Variants in EML6 observed in about 807,000 individuals in gnomAD.
EML6 encodes EMAP like 6.
In EML6, 154 loss-of-function variants were observed where a neutral mutation model predicts 240.1. The ratio of observed to expected loss-of-function variants is 0.64; its 90% CI spans 0.56 to 0.73. The LOEUF is 0.73. Among genes scored for constraint, EML6 ranks in the 30% least tolerant of loss-of-function variants. The pLI is 0.00. For missense variants in EML6, 2,964 were observed against 2,474.6 expected (o/e 1.20, Z -4.20); for synonymous variants, 1,148 against 899.0 (o/e 1.28, Z -4.95).
chr2:54,968,276 A>G lies in EML6; in HGVS notation c.5746A>G (p.Lys1916Glu). 6.4e-7 allele frequency: 1 copy of G among 1,551,682 alleles called. No individual in the cohort carries two copies. The highest frequency in any genetic ancestry group is 8.7e-7 in the Non-Finnish European group (1 of 1,146,990). Residue 1916 changes from lysine to glutamate, a missense_variant, in exon 40 of 42, where the codon AAA (lysine) becomes GAA (glutamate). By Grantham distance (56) the Lys-to-Glu change is moderately conservative. Coordinates refer to ENST00000356458, the MANE Select transcript of EML6 (RefSeq NM_001039753.4). The stretch of plus-strand genomic sequence containing the variant: ...GCTCTTTGATTTTCCATGCACAGAA[A>G]AATTTGTGAGTGTTCCTCAGAGTAA... ...VKLFDFPCTE[K>E]FAKHKRYFGH...
At chr2:54,922,493 C>G (rs71413280) in intron 26 of EML6, among the ~76,000 whole-genome samples, 8 of 152,170 alleles carry the variant, frequency 5.3e-5, no homozygotes, top group African/African-American at 9.6e-5. Flanking sequence ...ATGGAGGTTC[C>G]TCAAAAAATT....
At position 54,724,427 on chromosome 2, in the gene EML6, G is replaced by T. The variant is rs1343365479; in HGVS notation, c.-513-122G>T. On this transcript the variant is annotated intron_variant, in intron 1 of 41. Transcript: ENST00000356458. This position sits in a 1 kb window ranked among gnomAD's most constrained non-coding sequence, Gnocchi z 5.2. ...GAGATGGAACTGGAGAGAGAAAGCGGGAGTAGGGGACAATTTTTAAAAATA... is the reference window on the plus strand; with the variant it reads ...GAGATGGAACTGGAGAGAGAAAGCGTGAGTAGGGGACAATTTTTAAAAATA... The T allele has an allele frequency of 2.6e-5, 4 of 152,114 alleles. No individual in the cohort carries two copies. The South Asian group carries it at 6.2e-4, about 24-fold the overall frequency. The allele number at this position is 152,114 out of a possible 1,614,324, so 9.4% of individuals were successfully genotyped here. A position where few individuals can be genotyped will look rare whatever the true frequency, so the allele number is the denominator to read the frequency against.
chr2:54,858,987 T>G (rs189161733), intron 11 of EML6, among the ~76,000 whole-genome samples: 1 of 152,196 alleles, frequency 6.6e-6, no homozygotes, highest in Non-Finnish European at 1.5e-5. Flanking sequence ...TATGCTGATA[T>G]GCTGAAGGCT....
At chr2:54,914,025 C>T (rs1468748584) in intron 25 of EML6, among the ~76,000 whole-genome samples, 1 of 152,136 alleles carries the variant, frequency 6.6e-6, no homozygotes, top group Non-Finnish European at 1.5e-5. Flanking sequence ...TCTTTTTATA[C>T]CAGTACCAGT....
chr2:54,730,628 C>T (rs1267518625), intron 2 of EML6, among the ~76,000 whole-genome samples: 1 of 152,188 alleles, frequency 6.6e-6, no homozygotes, highest in African/African-American at 2.4e-5. Context: ...TCCTACTGCT[C>T]ATTGGATCCC....
intron 25 of EML6, among the ~76,000 whole-genome samples, chr2:54,915,991 C>T (rs1229507728): frequency 1.3e-5 from 2 of 152,184 alleles, no homozygotes; most frequent in African/African-American, 4.8e-5. Context: ...TCAGTCTTAT[C>T]AGGATTTAAC....
At position 54,968,206 on chromosome 2, in the gene EML6, C is replaced by T. The variant is rs757460564; in HGVS notation, c.5676C>T (p.His1892=). Reference sequence around the variant, plus strand: ...ATGTCAACTGCGCATGTGTGACCCACGCTGGCCTGAACATTGTCACAGGAG... The same window carrying T: ...ATGTCAACTGCGCATGTGTGACCCATGCTGGCCTGAACATTGTCACAGGAG... ...KADVNCACVT[H]AGLNIVTGDD... is the part of the protein sequence containing the mutation. The change falls in exon 40 of 42, where the codon CAC becomes CAT. Residue 1892 remains histidine, a synonymous_variant. Coordinates refer to ENST00000356458, the MANE Select transcript of EML6 (RefSeq NM_001039753.4). 36 of 1,551,586 alleles carry T rather than the reference C, an allele frequency of 2.3e-5. No individual in the cohort carries two copies. The highest frequency in any genetic ancestry group is 7.1e-5 in the South Asian group (6 of 84,066).
In EML6 at chr2:54,895,157, T is replaced by C. The variant is rs1480337196; in HGVS notation, c.2855-116T>C. 3 of 1,336,702 alleles carry C rather than the reference T, an allele frequency of 2.2e-6. No homozygotes were observed. In the South Asian group the frequency reaches 4.1e-5, roughly 18 times the overall value. 82.8% of individuals were successfully genotyped at this position (1,336,702 alleles called of 1,614,324 possible). On this transcript the variant is annotated intron_variant, in intron 20 of 41. Transcript: ENST00000356458. ...CATGTTTAGAACTCTCTTCCTCTGG[T>C]AGAAATGTCAAGGCTGACTGCCTAG...
At chr2:54,871,659 A>G in intron 16 of EML6, 54 bp downstream of exon 16, 1 of 1,308,128 alleles carries the variant, frequency 7.6e-7, no homozygotes. Context: ...AGAGAGACAC[A>G]GAGAGAGTAT....
rs1258675433 is a variant in EML6, at chr2:54,970,849, A to G, written c.*754A>G. On this transcript the variant is annotated 3_prime_UTR_variant, in exon 42 of 42. Coordinates refer to ENST00000356458, the MANE Select transcript of EML6 (RefSeq NM_001039753.4). ...CACGCCAAGGCTTCCTAAATGAAAG[A>G]CATCGGTTACCTGCTTATGGGAAGG... The G allele has an allele frequency of 2.0e-5, 3 of 152,230 alleles. No individual in the cohort carries two copies. The highest frequency in any genetic ancestry group is 2.1e-4 in the South Asian group (1 of 4,834). 9.4% of individuals were successfully genotyped at this position (152,230 alleles called of 1,614,324 possible). A position where few individuals can be genotyped will look rare whatever the true frequency, so the allele number is the denominator to read the frequency against.
intron 8 of EML6, among the ~76,000 whole-genome samples, chr2:54,844,992 G>A (rs1458185390): frequency 6.6e-6 from 1 of 152,196 alleles, no homozygotes; most frequent in Non-Finnish European, 1.5e-5. Context: ...GCCAGAAAGA[G>A]GGAGAGTGTG....
intron 2 of EML6, among the ~76,000 whole-genome samples, chr2:54,738,376 G>A (rs1249491496): frequency 6.6e-6 from 1 of 152,136 alleles, no homozygotes; most frequent in African/African-American, 2.4e-5. Flanking sequence ...GAAGCCTATA[G>A]ACACCATCTC....
intron 28 of EML6, among the ~76,000 whole-genome samples, chr2:54,935,121 G>C (rs900985359): frequency 6.6e-6 from 1 of 152,096 alleles, no homozygotes; most frequent in Admixed American, 6.6e-5. Flanking sequence ...GCATTGCTTC[G>C]TGTTTAGGTT....
At chr2:54,804,844 T>G (rs1018015622) in intron 2 of EML6, among the ~76,000 whole-genome samples, 2 of 152,222 alleles carry the variant, frequency 1.3e-5, no homozygotes, top group African/African-American at 4.8e-5. Flanking sequence ...TCTTATTTTC[T>G]TTAGACATGT....
Position 54,959,162 on chromosome 2 carries a change from T to G in EML6, c.4754T>G (p.Phe1585Cys). The stretch of plus-strand genomic sequence containing the variant: ...GATGTCTACGTCTGGAAGGACCACT[T>G]CCTCATCCGGCTGGTGGCCAAGGCT... ...NGDVYVWKDHFLIRLVAKAHT... is the reference protein window; with the variant it reads ...NGDVYVWKDHCLIRLVAKAHT... The change falls in exon 34 of 42, where the codon TTC becomes TGC. Residue 1585 changes from phenylalanine to cysteine, a missense_variant. Coordinates refer to ENST00000356458, the MANE Select transcript of EML6 (RefSeq NM_001039753.4). 1 of 1,551,646 alleles carries G rather than the reference T, an allele frequency of 6.4e-7. No homozygotes were observed. Among genetic ancestry groups the G allele is most frequent in the South Asian group, 1.2e-5 (1 of 84,036 alleles).
Position 54,968,716 on chromosome 2 carries a change from C to T in EML6, c.5800C>T (p.Arg1934Cys), listed in dbSNP as rs1476665988. Residue 1934 changes from arginine (R) to cysteine (C), a missense_variant, in exon 41 of 42, where the codon CGT (arginine) becomes TGT (cysteine). By Grantham distance (180) the Arg-to-Cys change is radical (BLOSUM62 -3). Coordinates refer to ENST00000356458, the MANE Select transcript of EML6 (RefSeq NM_001039753.4). ...FGHSAHVTNI[R>C]FSYDDKYVVS... is the part of the protein sequence containing the mutation. The stretch of plus-strand genomic sequence containing the variant: ...TCACTCGGCTCACGTGACGAACATC[C>T]GTTTCTCTTATGATGACAAGTATGT... 18 of 1,551,300 alleles carry T rather than the reference C, an allele frequency of 1.2e-5. No homozygotes were observed. The highest frequency in any genetic ancestry group is 7.3e-5 in the East Asian group (3 of 40,910).
chr2:54,824,648 G>A (rs995936502), intron 5 of EML6, among the ~76,000 whole-genome samples: 2 of 152,210 alleles, frequency 1.3e-5, no homozygotes, highest in East Asian at 1.9e-4. Context: ...TATCTGAAAC[G>A]AATGCTTGAA....
At chr2:54,741,434 G>A (rs1251693798) in intron 2 of EML6, among the ~76,000 whole-genome samples, 1 of 152,072 alleles carries the variant, frequency 6.6e-6, no homozygotes, top group Non-Finnish European at 1.5e-5. Context: ...ATATATAGGT[G>A]TATATAAATA....
At chr2:54,832,257 G>A (rs913224201) in intron 7 of EML6, among the ~76,000 whole-genome samples, 1 of 152,232 alleles carries the variant, frequency 6.6e-6, no homozygotes, top group Non-Finnish European at 1.5e-5. Flanking sequence ...CATGGACAGG[G>A]TCATGTGGGG....
Sources: gnomAD v4.1 joint callset for allele counts (sites outside exome capture counted in the v4.1 genomes callset) on GRCh38, gnomAD v4.1.1 for gene constraint, Gnocchi (gnomAD v3.1) non-coding constraint, MANE v1.5 for transcripts, NCBI Gene and HGNC (gene_info 2026-07-23, HGNC 2026-07-21) for gene names.